PTPN4: variants seen among roughly 807,000 people sequenced by gnomAD.
PTPN4 encodes protein tyrosine phosphatase non-receptor type 4, also known as tyrosine-protein phosphatase non-receptor type 4.
A neutral mutation model predicts 135.5 loss-of-function variants in PTPN4; 49 were observed. That is an observed-to-expected ratio of 0.36 (90% CI 0.29 to 0.46). The LOEUF (loss-of-function observed/expected upper bound fraction) is 0.46. PTPN4 is among the 20% of genes least tolerant of loss of function. PTPN4 has a pLI of 1.00. For synonymous variants in PTPN4, 333 were observed against 369.9 expected, an observed-to-expected ratio of 0.90 and a Z score of 1.14; for missense variants, 860 against 1,101.0, an observed-to-expected ratio of 0.78 and a Z score of 3.10.
At chr2:119,783,456 T>C (rs570196241) in intron 1 of PTPN4, among the ~76,000 whole-genome samples, 2 of 152,352 alleles carry the variant, frequency 1.3e-5, no homozygotes, top group South Asian at 4.1e-4. Context: ...AATAATATAT[T>C]GAGTGCAGTG....
Position 119,877,640 on chromosome 2 carries a change from C to G in PTPN4, c.368+98C>G, listed in dbSNP as rs1175446889. On this transcript the variant is annotated intron_variant, in intron 5 of 26. Coordinates refer to ENST00000263708, the MANE Select transcript of PTPN4 (RefSeq NM_002830.4). ...AAAAAGAAATTACTGTGGTGTAATT[C>G]TGAGCTTTCCAGTCAGTACACAGAA... 2.2e-6 allele frequency: 3 copies of G among 1,390,548 alleles called. No individual in the cohort carries two copies. The African/African-American group carries it at 4.4e-5, about 20-fold the overall frequency. 86.1% of individuals were successfully genotyped at this position (1,390,548 alleles called of 1,614,324 possible).
chr2:119,813,193 A>G (rs960354230), intron 2 of PTPN4, among the ~76,000 whole-genome samples: 49 of 151,910 alleles, frequency 3.2e-4, no homozygotes, highest in African/African-American at 1.1e-3. Context: ...TGAGGCACCT[A>G]TATATGACCT....
chr2:119,866,584 T>G (rs944106595), intron 3 of PTPN4, among the ~76,000 whole-genome samples: 4 of 152,150 alleles, frequency 2.6e-5, no homozygotes, highest in African/African-American at 7.2e-5. Context: ...CAAGGAACTA[T>G]ATTATGAAAA....
chr2:119,823,458 C>G (rs1473816757), intron 2 of PTPN4, among the ~76,000 whole-genome samples: 1 of 152,182 alleles, frequency 6.6e-6, no homozygotes, highest in Non-Finnish European at 1.5e-5. Flanking sequence ...TGGTCTCCAT[C>G]TCCTGACCTC....
At chr2:119,776,211 C>T (rs541623121) in intron 1 of PTPN4, among the ~76,000 whole-genome samples, 5 of 151,972 alleles carry the variant, frequency 3.3e-5, no homozygotes, top group East Asian at 1.9e-4. Flanking sequence ...AGTCTCAGTC[C>T]GTTGCCCAGG....
At chr2:119,860,021 A>T (rs909775562) in intron 2 of PTPN4, among the ~76,000 whole-genome samples, 2 of 152,184 alleles carry the variant, frequency 1.3e-5, no homozygotes, top group Admixed American at 6.5e-5. Flanking sequence ...CCAGTCTGTG[A>T]TATATAGGAA....
At chr2:119,762,484 A>G (rs1157436413) in intron 1 of PTPN4, among the ~76,000 whole-genome samples, 1 of 152,118 alleles carries the variant, frequency 6.6e-6, no homozygotes. Flanking sequence ...TATGACTTAC[A>G]AACTCTAAAA....
chr2:119,793,269 G>C (rs1558727197), intron 1 of PTPN4, among the ~76,000 whole-genome samples: 1 of 152,090 alleles, frequency 6.6e-6, no homozygotes. Context: ...ATTCCTTACT[G>C]GGGAAAGAAT....
At chr2:119,816,605 C>T (rs1287435706) in intron 2 of PTPN4, among the ~76,000 whole-genome samples, 1 of 152,076 alleles carries the variant, frequency 6.6e-6, no homozygotes, top group Non-Finnish European at 1.5e-5. Flanking sequence ...ATACAGCTCA[C>T]CATAATGTAG....
chr2:119,942,483 C>T (rs779326466), intron 15 of PTPN4, among the ~76,000 whole-genome samples: 1 of 152,180 alleles, frequency 6.6e-6, no homozygotes, highest in Non-Finnish European at 1.5e-5. Flanking sequence ...ATATGTTCTC[C>T]ACCTTACTCC....
chr2:119,768,639 T>C (rs1430457987), intron 1 of PTPN4, among the ~76,000 whole-genome samples: 1 of 152,234 alleles, frequency 6.6e-6, no homozygotes, highest in Non-Finnish European at 1.5e-5. Context: ...ATCTCCTCAG[T>C]GTATTTACTT....
intron 1 of PTPN4, among the ~76,000 whole-genome samples, chr2:119,789,995 T>A (rs1163138743): frequency 6.6e-6 from 1 of 152,180 alleles, no homozygotes; most frequent in Non-Finnish European, 1.5e-5. Context: ...TTCAAAGTGC[T>A]GGGATTACAG....
In PTPN4 at chr2:119,977,011, A is replaced by G; in HGVS notation, c.2722A>G (p.Ile908Val). ...PSQYRFVCEA[I>V]LKVYEEGFVK... is the part of the protein sequence containing the mutation. ...TCAATACAGATTTGTATGTGAAGCTATTTTGAAAGTTTATGAAGAAGGCTT... is the reference window on the plus strand; with the variant it reads ...TCAATACAGATTTGTATGTGAAGCTGTTTTGAAAGTTTATGAAGAAGGCTT... The change falls in exon 27 of 27, where the codon ATT becomes GTT. Residue 908 changes from isoleucine to valine, a missense_variant. By Grantham distance (29) the Ile-to-Val change is conservative. Around this residue, in one of 2 missense-constraint regions of PTPN4, gnomAD observed 176 missense variants for 294.1 expected, o/e 0.60. Coordinates refer to ENST00000263708, the MANE Select transcript of PTPN4 (RefSeq NM_002830.4). 2 of 1,608,078 alleles carry G rather than the reference A, an allele frequency of 1.2e-6. No individual in the cohort carries two copies. The highest frequency in any genetic ancestry group is 8.5e-7 in the Non-Finnish European group (1 of 1,178,498).
intron 20 of PTPN4, among the ~76,000 whole-genome samples, chr2:119,956,237 ATTTTTT>A (rs10627020): frequency 9.9e-6 from 1 of 101,042 alleles, no homozygotes. Context: ...ATAAACCTGA[ATTTTTT>A]TTTTTTTTTT....
intron 1 of PTPN4, among the ~76,000 whole-genome samples, chr2:119,807,983 T>G (rs1691510428): frequency 6.6e-6 from 1 of 152,234 alleles, no homozygotes; most frequent in African/African-American, 2.4e-5. Context: ...ACCACATGAT[T>G]ATCTCAATAG....
chr2:119,761,950 AG>A (rs1690514720), intron 1 of PTPN4, among the ~76,000 whole-genome samples: 1 of 152,188 alleles, frequency 6.6e-6, no homozygotes, highest in Non-Finnish European at 1.5e-5. Flanking sequence ...TCTTAGCTTC[AG>A]AGCTGTAGGT....
intron 15 of PTPN4, among the ~76,000 whole-genome samples, chr2:119,936,098 G>C (rs1243149942): frequency 6.6e-6 from 1 of 151,946 alleles, no homozygotes; most frequent in East Asian, 1.9e-4. Context: ...TGCCTCCCGG[G>C]TTCACGCCAT....
At chr2:119,847,266 TACTC>T (rs1443171597) in intron 2 of PTPN4, among the ~76,000 whole-genome samples, 3 of 135,436 alleles carry the variant, frequency 2.2e-5, no homozygotes. Context: ...AAAAAGGAGA[TACTC>T]TATATACACA....
In PTPN4 at chr2:119,946,386, A is replaced by C. The variant is rs1679133015; in HGVS notation, c.1561A>C (p.Lys521Gln). 1.2e-6 allele frequency: 2 copies of C among 1,611,874 alleles called. No individual in the cohort carries two copies. Among genetic ancestry groups the C allele is most frequent in the Non-Finnish European group, 1.7e-6 (2 of 1,178,722 alleles). Residue 521 changes from lysine (K) to glutamine (Q), a missense_variant, in exon 17 of 27, where the codon AAA (lysine) becomes CAA (glutamine). Lys to Gln is a moderately conservative substitution (Grantham distance 53). Coordinates refer to ENST00000263708, the MANE Select transcript of PTPN4 (RefSeq NM_002830.4). ...TGATAATCTTGTCCTAATCAGAATG[A>C]AACCTGATGAAAATGGGAGGTTTGG... ...PHDNLVLIRMKPDENGRFGFN... is the reference protein window; with the variant it reads ...PHDNLVLIRMQPDENGRFGFN...
Sources: gnomAD v4.1 joint callset for allele counts (sites outside exome capture counted in the v4.1 genomes callset) on GRCh38, gnomAD v4.1.1 for gene constraint, gnomAD v4.1.1 regional missense constraint, MANE v1.5 for transcripts, NCBI Gene and HGNC (gene_info 2026-07-23, HGNC 2026-07-21) for gene names.